Variants in MAGI2 observed in about 807,000 individuals in gnomAD.
MAGI2 encodes membrane-associated guanylate kinase, WW and PDZ domain-containing protein 2.
Under a neutral mutation model 133.3 loss-of-function variants are expected in MAGI2, and 35 were observed. The ratio of observed to expected loss-of-function variants is 0.26; its 90% CI spans 0.20 to 0.35. The LOEUF (loss-of-function observed/expected upper bound fraction) is 0.35. Among genes scored for constraint, MAGI2 ranks in the 10% least tolerant of loss-of-function variants. MAGI2 has a pLI of 1.00. For synonymous variants in MAGI2, 729 were observed against 710.6 expected (o/e 1.03, Z -0.41); for missense variants, 1,636 against 1,863.4 (o/e 0.88, Z 2.25).
At chr7:79,092,479 A>T (rs1251662558) in intron 1 of MAGI2, among the ~76,000 whole-genome samples, 1 of 152,208 alleles carries the variant, frequency 6.6e-6, no homozygotes, top group Non-Finnish European at 1.5e-5. Context: ...TAAGTTTTTA[A>T]CTTGGCCCCA....
intron 3 of MAGI2, among the ~76,000 whole-genome samples, chr7:78,573,076 T>TATAC (rs1230373322): frequency 9.1e-4 from 48 of 52,540 alleles, no homozygotes; most frequent in East Asian, 3.1e-3. Context: ...TATATATATA[T>TATAC]ACACACACAC....
In MAGI2 at chr7:79,227,767, A is replaced by G. The variant is rs531833431; in HGVS notation, c.302-220561T>C. The stretch of plus-strand genomic sequence containing the variant: ...ATCTGTTTTTATCTTTTATAGAAAA[A>G]GTTGAATTGTTAACTGGTTTCTTTT... On this transcript the variant is annotated intron_variant, in intron 1 of 21. Coordinates refer to ENST00000354212, the MANE Select transcript of MAGI2 (RefSeq NM_012301.4). Among the ~76,000 whole-genome samples the G allele has an allele frequency of 6.6e-5, 10 of 152,316 alleles. No homozygotes were observed. The South Asian group carries it at 1.4e-3, about 22-fold the overall frequency.
intron 1 of MAGI2, among the ~76,000 whole-genome samples, chr7:79,214,383 CTCTCTCTCTCTCTCTCTCTCTCTCTATA>C (rs1346002365): frequency 5.6e-5 from 5 of 88,612 alleles, no homozygotes; most frequent in African/African-American, 2.3e-4. Context: ...CTCTCTCTCT[CTCTCTCTCTCTCTCTCTCTCTCTCTATA>C]TATATATATA....
rs182369573 is a variant in MAGI2, at chr7:78,603,903, C to G, written c.538+23217G>C. 1.5e-3 allele frequency among the ~76,000 whole-genome samples: 232 copies of G among 152,260 alleles called. 1 individual carries two copies. Among genetic ancestry groups the G allele is most frequent in the African/African-American group, 5.2e-3 (217 of 41,548 alleles). ...CAAATGGCTAACATTTGTTGAACAC[C>G]TACTATATGACAGGTACTGTGGTAG... On this transcript the variant is annotated intron_variant, in intron 3 of 21. Transcript: ENST00000354212.
At chr7:78,365,575 A>G (rs754742746) in intron 7 of MAGI2, among the ~76,000 whole-genome samples, 4 of 152,184 alleles carry the variant, frequency 2.6e-5, no homozygotes, top group Non-Finnish European at 5.9e-5. Context: ...TATAGAGAGA[A>G]TTATAAATGT....
rs532696520 is a variant in MAGI2 at position 78,070,677 on chromosome 7, T to C, written c.3706+8270A>G. Among the ~76,000 whole-genome samples the C allele has an allele frequency of 4.4e-3, 656 of 149,812 alleles. 6 individuals carry two copies. Among genetic ancestry groups the C allele is most frequent in the African/African-American group, 0.016 (633 of 40,644 alleles). On this transcript the variant is annotated intron_variant, in intron 21 of 21. Coordinates refer to ENST00000354212, the MANE Select transcript of MAGI2 (RefSeq NM_012301.4). ...TTTTTTTTTAGACGGAGTCTCACTC[T>C]GTCACCCAGGCTGGAGTGCAATGGC... is the stretch of plus-strand genomic sequence containing the variant.
chr7:78,218,794 G>A (rs1788517174), intron 10 of MAGI2, among the ~76,000 whole-genome samples: 1 of 152,112 alleles, frequency 6.6e-6, no homozygotes, highest in Non-Finnish European at 1.5e-5. Flanking sequence ...TTCTCAGCTT[G>A]GATTCTTCAC....
chr7:78,256,822 C>A (rs922133757), intron 9 of MAGI2, among the ~76,000 whole-genome samples: 1 of 152,094 alleles, frequency 6.6e-6, no homozygotes, highest in African/African-American at 2.4e-5. Context: ...GAAACAACTT[C>A]ATATTCAGAA....
intron 2 of MAGI2, among the ~76,000 whole-genome samples, chr7:78,905,522 G>T (rs2151602320): frequency 6.6e-6 from 1 of 152,288 alleles, no homozygotes; most frequent in South Asian, 2.1e-4. Context: ...CATTTACTAA[G>T]TGCTCAATAA....
intron 2 of MAGI2, among the ~76,000 whole-genome samples, chr7:78,627,859 A>C (rs1444895620): frequency 6.6e-6 from 1 of 152,204 alleles, no homozygotes; most frequent in Non-Finnish European, 1.5e-5. Flanking sequence ...CTGGGAATAT[A>C]GTATCTAATC....
chr7:78,826,100 C>T (rs1162915219), intron 2 of MAGI2, among the ~76,000 whole-genome samples: 2 of 151,982 alleles, frequency 1.3e-5, no homozygotes, highest in Non-Finnish European at 2.9e-5. Context: ...CACCTGTAAT[C>T]CCAGCACTTT....
At chr7:78,902,011 A>G (rs1055284782) in intron 2 of MAGI2, among the ~76,000 whole-genome samples, 4 of 152,200 alleles carry the variant, frequency 2.6e-5, no homozygotes, top group African/African-American at 9.6e-5. Context: ...ACATATATGT[A>G]TACGTATTTT....
intron 1 of MAGI2, among the ~76,000 whole-genome samples, chr7:79,112,845 A>T (rs1293830148): frequency 1.3e-5 from 2 of 152,006 alleles, no homozygotes; most frequent in African/African-American, 2.4e-5. Flanking sequence ...CAATTGTTCC[A>T]TGACCTTTAC....
At chr7:78,180,951 A>G (rs1387824834) in intron 13 of MAGI2, among the ~76,000 whole-genome samples, 4 of 91,666 alleles carry the variant, frequency 4.4e-5, no homozygotes, top group South Asian at 3.2e-4. Flanking sequence ...TTTTTTTTTT[A>G]GGGAAAATAA....
intron 6 of MAGI2, among the ~76,000 whole-genome samples, chr7:78,446,857 A>G (rs1788195375): frequency 6.6e-6 from 1 of 152,118 alleles, no homozygotes. Flanking sequence ...CTACAACCAT[A>G]TATCAGCCGA....
At chr7:78,257,342 ATTG>A (rs1411668328) in intron 9 of MAGI2, among the ~76,000 whole-genome samples, 13 of 152,194 alleles carry the variant, frequency 8.5e-5, no homozygotes, top group African/African-American at 3.1e-4. Flanking sequence ...TATTAATATG[ATTG>A]TTGTTAAAAT....
chr7:78,030,746 C>T (rs1809484857), intron 21 of MAGI2, among the ~76,000 whole-genome samples: 1 of 152,138 alleles, frequency 6.6e-6, no homozygotes, highest in African/African-American at 2.4e-5. Flanking sequence ...CTGGCAAGAA[C>T]GTGGAGCAAT....
chr7:78,721,994 A>G (rs1436884686), intron 2 of MAGI2, among the ~76,000 whole-genome samples: 1 of 151,532 alleles, frequency 6.6e-6, no homozygotes, highest in African/African-American at 2.4e-5. Flanking sequence ...AGAGCAAAAT[A>G]TTATAGAAAA....
chr7:79,405,013 G>A (rs937870193), intron 1 of MAGI2, among the ~76,000 whole-genome samples: 6 of 152,200 alleles, frequency 3.9e-5, no homozygotes, highest in African/African-American at 1.4e-4. Context: ...ATGAAGCCAG[G>A]ATAGGAAGGG....
Sources: allele counts gnomAD v4.1 joint callset (sites outside exome capture counted in the v4.1 genomes callset), GRCh38; gene constraint gnomAD v4.1.1; transcripts MANE v1.5; gene names NCBI Gene and HGNC (gene_info 2026-07-23, HGNC 2026-07-21).